The following PIK3C2G variants were observed in gnomAD, a reference collection of about 807,000 sequenced individuals.
The protein encoded by PIK3C2G is phosphatidylinositol 3-kinase C2 domain-containing subunit gamma.
PIK3C2G carries 168 observed loss-of-function variants against 181.1 expected under a neutral mutation model. The observed-to-expected ratio is 0.93, with a 90% confidence interval of 0.82 to 1.05. The LOEUF is 1.05. Ranked by LOEUF, PIK3C2G falls within the 50% of genes least tolerant of loss-of-function variation. The pLI, the probability that PIK3C2G is intolerant of heterozygous loss-of-function variation, is 0.00. For synonymous variants in PIK3C2G, 573 were observed against 592.2 expected, an observed-to-expected ratio of 0.97 and a Z score of 0.47; for missense variants, 1,869 against 1,732.8, an observed-to-expected ratio of 1.08 and a Z score of -1.40.
chr12:18,339,794 GT>G (rs1458201780), intron 9 of PIK3C2G, among the ~76,000 whole-genome samples: 1 of 152,002 alleles, frequency 6.6e-6, no homozygotes, highest in Non-Finnish European at 1.5e-5. Context: ...ATTTAAATAC[GT>G]TCTTTACATG....
chr12:18,678,473 C>A, the PIK3C2G span, among the ~76,000 whole-genome samples: 5 of 152,100 alleles, frequency 3.3e-5, no homozygotes, highest in South Asian at 1.0e-3. Flanking sequence ...TCCATCCATG[C>A]CAAAAATTTC....
chr12:18,333,261 G>T (rs960670279), intron 8 of PIK3C2G, among the ~76,000 whole-genome samples: 3 of 152,046 alleles, frequency 2.0e-5, no homozygotes, highest in African/African-American at 7.2e-5. Context: ...GTTGCAGAGA[G>T]ATCGATGTTC....
intron 24 of PIK3C2G, among the ~76,000 whole-genome samples, chr12:18,536,571 T>A (rs570442436): frequency 6.6e-6 from 1 of 152,094 alleles, no homozygotes; most frequent in Non-Finnish European, 1.5e-5. Flanking sequence ...AGTTCACAAA[T>A]GTGCCACCCT....
intron 14 of PIK3C2G, among the ~76,000 whole-genome samples, chr12:18,383,273 G>A (rs960410612): frequency 2.0e-5 from 3 of 152,138 alleles, no homozygotes; most frequent in Non-Finnish European, 2.9e-5. Context: ...ACAAAAATGA[G>A]CGAATATGTA....
chr12:18,539,884 A>G (rs1302989697), intron 25 of PIK3C2G, among the ~76,000 whole-genome samples: 1 of 151,916 alleles, frequency 6.6e-6, no homozygotes, highest in Non-Finnish European at 1.5e-5. Flanking sequence ...CTTCAAGATT[A>G]CTTTTCAGTA....
At chr12:18,698,295 C>G in the PIK3C2G span, among the ~76,000 whole-genome samples, 1 of 151,936 alleles carries the variant, frequency 6.6e-6, no homozygotes, top group Non-Finnish European at 1.5e-5. Flanking sequence ...CTACTCCATT[C>G]CATTCCATTC....
At chr12:18,246,168 A>T (rs1034609977), upstream of PIK3C2G, among the ~76,000 whole-genome samples, 5 of 152,174 alleles carry the variant, frequency 3.3e-5, no homozygotes, top group African/African-American at 9.7e-5. Context: ...AATGGGCAAA[A>T]CTGAAGGCCA....
chr12:18,723,324 CT>C, the PIK3C2G span: 1 of 1,611,022 alleles, frequency 6.2e-7, no homozygotes, highest in Non-Finnish European at 8.5e-7. Flanking sequence ...CTTCGATAGG[CT>C]CGTATTTCTG....
intron 7 of PIK3C2G, among the ~76,000 whole-genome samples, chr12:18,323,774 T>G (rs1951210859): frequency 6.6e-6 from 1 of 152,178 alleles, no homozygotes; most frequent in South Asian, 2.1e-4. Context: ...GCCCTTCTCT[T>G]TTATGACTCA....
intron 6 of PIK3C2G, 50 bp from the exon 7 acceptor site, chr12:18,320,912 T>G (rs1565594830): frequency 1.0e-6 from 1 of 971,136 alleles, no homozygotes; most frequent in Non-Finnish European, 1.6e-6. Flanking sequence ...TTTTATCTGG[T>G]ACTCATTCCT....
At chr12:18,280,353 C>T (rs1262766102) in intron 1 of PIK3C2G, among the ~76,000 whole-genome samples, 1 of 151,860 alleles carries the variant, frequency 6.6e-6, no homozygotes, top group African/African-American at 2.4e-5. Context: ...GAAGTGTAAA[C>T]AGTAGAAAAT....
At chr12:18,276,282 C>T (rs1278830704) in intron 1 of PIK3C2G, among the ~76,000 whole-genome samples, 1 of 152,068 alleles carries the variant, frequency 6.6e-6, no homozygotes, top group Non-Finnish European at 1.5e-5. Flanking sequence ...AAGCTTTATT[C>T]CCACAAATCA....
intron 2 of PIK3C2G, among the ~76,000 whole-genome samples, chr12:18,283,395 A>C (rs989583098): frequency 4.6e-5 from 7 of 152,166 alleles, no homozygotes; most frequent in African/African-American, 1.7e-4. Context: ...AGACAAAGTA[A>C]AATCAGCAGT....
At chr12:18,430,241 C>G (rs546724676) in intron 18 of PIK3C2G, among the ~76,000 whole-genome samples, 2 of 152,130 alleles carry the variant, frequency 1.3e-5, no homozygotes, top group Non-Finnish European at 2.9e-5. Flanking sequence ...GGTAGAACAA[C>G]AGTATTGCAG....
At chr12:18,312,891 T>C (rs1374796745) in intron 5 of PIK3C2G, among the ~76,000 whole-genome samples, 3 of 152,130 alleles carry the variant, frequency 2.0e-5, no homozygotes, top group African/African-American at 7.2e-5. Flanking sequence ...TTCTACATAA[T>C]TCTATACATT....
chr12:18,513,727 G>T (rs2136151517), intron 24 of PIK3C2G, among the ~76,000 whole-genome samples: 1 of 151,468 alleles, frequency 6.6e-6, no homozygotes, highest in African/African-American at 2.4e-5. Context: ...TCACCATCTT[G>T]TAAACAGTTT....
In PIK3C2G at chr12:18,399,855, T is replaced by A; in HGVS notation, c.2315+8T>A. On this transcript the variant is annotated splice_region_variant and intron_variant, in intron 16 of 32. Coordinates refer to ENST00000538779, the MANE Select transcript of PIK3C2G (RefSeq NM_001288772.2). ...TGGGCTTTTGACTTCCAGGTAAGAATTGCATAACAAGCATGATATTACTGA... is the reference window on the plus strand; with the variant it reads ...TGGGCTTTTGACTTCCAGGTAAGAAATGCATAACAAGCATGATATTACTGA... 1.9e-6 allele frequency: 3 copies of A among 1,550,534 alleles called. No individual in the cohort carries two copies. The highest frequency in any genetic ancestry group is 1.8e-6 in the Non-Finnish European group (2 of 1,135,960).
At chr12:18,315,135 T>A (rs1392937964) in intron 6 of PIK3C2G, among the ~76,000 whole-genome samples, 1 of 152,182 alleles carries the variant, frequency 6.6e-6, no homozygotes, top group African/African-American at 2.4e-5. Flanking sequence ...CAGTGGATGT[T>A]TTCTTTTTTT....
downstream of PIK3C2G, among the ~76,000 whole-genome samples, chr12:18,651,033 G>T (rs1950492554): frequency 6.6e-6 from 1 of 151,758 alleles, no homozygotes; most frequent in Non-Finnish European, 1.5e-5. Context: ...CAGAGTAAAA[G>T]CCCAAGCCTT....
Sources: gnomAD v4.1 joint callset for allele counts (sites outside exome capture counted in the v4.1 genomes callset) on GRCh38, gnomAD v4.1.1 for gene constraint, MANE v1.5 for transcripts, NCBI Gene and HGNC (gene_info 2026-07-23, HGNC 2026-07-21) for gene names.